Variants in DLC1 observed in about 807,000 individuals in gnomAD.
DLC1 encodes DLC1 Rho GTPase activating protein.
In DLC1, 54 loss-of-function variants were observed where a neutral mutation model predicts 140.3. That is an observed-to-expected ratio of 0.38 (90% CI 0.31 to 0.48). The LOEUF (loss-of-function observed/expected upper bound fraction) is 0.48. Among genes scored for constraint, DLC1 ranks in the 20% least tolerant of loss-of-function variants. The probability of loss-of-function intolerance (pLI) is 0.96; values close to 1 mark genes in which losing one functional copy is unlikely to be tolerated. For synonymous variants in DLC1, 986 were observed against 728.1 expected, an observed-to-expected ratio of 1.35 and a Z score of -5.70; for missense variants, 2,536 against 1,907.0, an observed-to-expected ratio of 1.33 and a Z score of -6.14.
At chr8:13,290,733 G>C (rs1831725390) in intron 5 of DLC1, among the ~76,000 whole-genome samples, 1 of 152,074 alleles carries the variant, frequency 6.6e-6, no homozygotes, top group African/African-American at 2.4e-5. Flanking sequence ...AGTAAATATG[G>C]ACATCTGGAG....
chr8:13,147,888 T>C (rs1357554793), intron 5 of DLC1, among the ~76,000 whole-genome samples: 3 of 152,092 alleles, frequency 2.0e-5, no homozygotes, highest in Non-Finnish European at 2.9e-5. Flanking sequence ...CTCGGGAGAC[T>C]GAGGCAGGAG....
intron 5 of DLC1, among the ~76,000 whole-genome samples, chr8:13,251,964 C>T (rs1830026975): frequency 1.3e-5 from 2 of 152,012 alleles, no homozygotes; most frequent in South Asian, 4.1e-4. Context: ...AAATGGGATA[C>T]CAGAAAAGCA....
At chr8:13,219,785 TA>T (rs1398246363) in intron 5 of DLC1, among the ~76,000 whole-genome samples, 2 of 152,156 alleles carry the variant, frequency 1.3e-5, no homozygotes, top group Non-Finnish European at 2.9e-5. Context: ...GAATCGTTAT[TA>T]ATGGGTGGAT....
intron 7 of DLC1, among the ~76,000 whole-genome samples, chr8:13,110,028 G>A (rs961241164): frequency 6.6e-6 from 1 of 152,132 alleles, no homozygotes; most frequent in South Asian, 2.1e-4. Flanking sequence ...TCAGCTTTTA[G>A]GGATTTTAGC....
intron 5 of DLC1, among the ~76,000 whole-genome samples, chr8:13,262,563 G>A (rs769755343): frequency 2.0e-5 from 3 of 152,056 alleles, no homozygotes; most frequent in African/African-American, 7.2e-5. Flanking sequence ...TTTATCTTTT[G>A]TTTATTTTTA....
chr8:13,370,207 G>A (rs73548980), intron 4 of DLC1, among the ~76,000 whole-genome samples: 19,040 of 151,770 alleles, frequency 0.13, 1,317 homozygotes, highest in Non-Finnish European at 0.16. Context: ...ATTAGTAAAG[G>A]CAATGAATAT....
At chr8:13,602,598 G>A (rs1805926115) in intron 1 of DLC1, among the ~76,000 whole-genome samples, 1 of 151,848 alleles carries the variant, frequency 6.6e-6, no homozygotes, top group Non-Finnish European at 1.5e-5. Flanking sequence ...ATGACTCTAT[G>A]TGTTAATTGT....
chr8:13,506,169 A>C (rs1802054819), intron 1 of DLC1, among the ~76,000 whole-genome samples: 1 of 152,178 alleles, frequency 6.6e-6, no homozygotes, highest in Admixed American at 6.5e-5. Context: ...GTGTATACAC[A>C]CACATATATA....
At chr8:13,435,414 A>G (rs983156419) in intron 2 of DLC1, among the ~76,000 whole-genome samples, 3 of 152,124 alleles carry the variant, frequency 2.0e-5, no homozygotes, top group Admixed American at 2.0e-4. Context: ...CCCGGGTTCA[A>G]GCAATTCTCC....
chr8:13,137,233 C>G (rs1048817878), intron 5 of DLC1, among the ~76,000 whole-genome samples: 16 of 152,140 alleles, frequency 1.1e-4, no homozygotes, highest in African/African-American at 3.9e-4. Context: ...ATTTAACCTT[C>G]AACTCATCAC....
chr8:13,126,670 T>C (rs1821600599), intron 5 of DLC1, among the ~76,000 whole-genome samples: 1 of 152,182 alleles, frequency 6.6e-6, no homozygotes, highest in Non-Finnish European at 1.5e-5. Context: ...AGGCAAAATA[T>C]CTGGTTACAA....
chr8:13,380,658 A>G (rs1266482769), intron 4 of DLC1, among the ~76,000 whole-genome samples: 3 of 152,310 alleles, frequency 2.0e-5, no homozygotes, highest in South Asian at 4.1e-4. Flanking sequence ...GGCAGCAGAG[A>G]TGAAATGTGC....
intron 5 of DLC1, chr8:13,304,593 A>C (rs1489585567): frequency 7.8e-6 from 6 of 771,240 alleles, no homozygotes; most frequent in Non-Finnish European, 9.4e-6. Flanking sequence ...ATGTCTACAA[A>C]CTAAGTGATG....
At chr8:13,455,457 A>T (rs955603303) in intron 2 of DLC1, among the ~76,000 whole-genome samples, 2 of 151,940 alleles carry the variant, frequency 1.3e-5, no homozygotes, top group African/African-American at 4.8e-5. Context: ...TCCAGACTTC[A>T]TCTACCTCCC....
intron 1 of DLC1, among the ~76,000 whole-genome samples, chr8:13,556,971 T>C (rs1268305502): frequency 6.6e-6 from 1 of 152,222 alleles, no homozygotes; most frequent in African/African-American, 2.4e-5. Context: ...GACAGACAGT[T>C]AGCAATTTAT....
At chr8:13,555,205 C>T (rs569515710) in intron 1 of DLC1, among the ~76,000 whole-genome samples, 80 of 152,354 alleles carry the variant, frequency 5.3e-4, no homozygotes, top group Admixed American at 5.1e-3. Context: ...CTCCATTGAA[C>T]TCTCTGCTGC....
intron 5 of DLC1, among the ~76,000 whole-genome samples, chr8:13,141,256 CAAA>C (rs34321250): frequency 6.3e-5 from 4 of 63,764 alleles, no homozygotes; most frequent in African/African-American, 8.7e-5. Context: ...GAGTCTGTCT[CAAA>C]AAAAAAAAAA....
Position 13,179,656 on chromosome 8 carries a change from G to A in DLC1, c.1349-63999C>T, listed in dbSNP as rs552282266. On this transcript the variant is annotated intron_variant, in intron 5 of 17. Transcript: ENST00000276297. ...GGATTGCTTGAGCCCAGGAGGTTGC[G>A]GCCACAGTGAGCACTGATTATACCA... 9.2e-5 allele frequency among the ~76,000 whole-genome samples: 14 copies of A among 152,108 alleles called. No individual in the cohort carries two copies. The South Asian group carries it at 2.1e-3, about 23-fold the overall frequency.
chr8:13,542,796 G>C (rs548543065), intron 1 of DLC1, among the ~76,000 whole-genome samples: 1 of 152,080 alleles, frequency 6.6e-6, no homozygotes, highest in African/African-American at 2.4e-5. Context: ...AATACGAATT[G>C]AGTTTTTTAT....
Sources: gnomAD v4.1 joint callset for allele counts (sites outside exome capture counted in the v4.1 genomes callset) on GRCh38, gnomAD v4.1.1 for gene constraint, MANE v1.5 for transcripts, NCBI Gene and HGNC (gene_info 2026-07-23, HGNC 2026-07-21) for gene names.